Variants in BTBD16 observed in about 807,000 individuals in gnomAD.
The protein encoded by BTBD16 is BTB/POZ domain-containing protein 16.
A neutral mutation model predicts 67.4 loss-of-function variants in BTBD16; 66 were observed. The observed-to-expected ratio is 0.98, with a 90% CI of 0.80 to 1.20. The LOEUF is 1.20. Ranked by LOEUF, BTBD16 falls within the 50% of genes most tolerant of loss-of-function variation. The pLI is 0.00. For synonymous variants in BTBD16, 242 were observed against 236.4 expected (o/e 1.02, Z -0.22); for missense variants, 634 against 616.0 (o/e 1.03, Z -0.31).
chr10:122,335,679 T>C (rs1245353274), intron 14 of BTBD16, among the ~76,000 whole-genome samples: 1 of 152,202 alleles, frequency 6.6e-6, no homozygotes, highest in East Asian at 1.9e-4. Context: ...ACTATGTGCA[T>C]TAGGGAAGAT....
intron 10 of BTBD16, among the ~76,000 whole-genome samples, chr10:122,316,614 T>TG (rs907934010): frequency 2.0e-5 from 3 of 151,992 alleles, no homozygotes; most frequent in Admixed American, 2.0e-4. Flanking sequence ...TGTAACACAA[T>TG]GGTAAGTATT....
intron 8 of BTBD16, among the ~76,000 whole-genome samples, chr10:122,298,323 T>TG (rs763670244): frequency 2.3e-4 from 35 of 151,922 alleles, no homozygotes; most frequent in East Asian, 9.7e-4. Context: ...ACCAGTGACC[T>TG]GGGGGGGGAT....
intron 10 of BTBD16, among the ~76,000 whole-genome samples, chr10:122,310,068 G>T (rs2142097849): frequency 6.6e-6 from 1 of 152,266 alleles, no homozygotes; most frequent in East Asian, 1.9e-4. Context: ...CACCGTGCTG[G>T]GTCCATTTTT....
At chr10:122,332,643 A>G in intron 13 of BTBD16, 130 bp downstream of exon 13, 1 of 1,054,122 alleles carries the variant, frequency 9.5e-7, no homozygotes, top group Non-Finnish European at 1.4e-6. Context: ...AGAGAACCAC[A>G]GGTGTCTCTC....
At chr10:122,308,709 C>A (rs923231566) in intron 10 of BTBD16, among the ~76,000 whole-genome samples, 1 of 152,168 alleles carries the variant, frequency 6.6e-6, no homozygotes, top group East Asian at 1.9e-4. Flanking sequence ...CTCCCCTGCA[C>A]ACTGTCCAGG....
At chr10:122,306,593 G>C (rs985885397) in intron 9 of BTBD16, among the ~76,000 whole-genome samples, 1 of 152,180 alleles carries the variant, frequency 6.6e-6, no homozygotes, top group African/African-American at 2.4e-5. Context: ...TGTGACCTTG[G>C]ATAAGTTATT....
chr10:122,309,775 T>C (rs1330788109), intron 10 of BTBD16, among the ~76,000 whole-genome samples: 1 of 26,250 alleles, frequency 3.8e-5, no homozygotes, highest in African/African-American at 2.2e-4. Context: ...GCTGAGTACA[T>C]TTTTTTTTTT....
intron 14 of BTBD16, among the ~76,000 whole-genome samples, chr10:122,335,643 C>T (rs1481712317): frequency 6.6e-6 from 1 of 152,166 alleles, no homozygotes; most frequent in Non-Finnish European, 1.5e-5. Context: ...TGCAGGGTGG[C>T]TTGGAACAAG....
intron 10 of BTBD16, among the ~76,000 whole-genome samples, chr10:122,326,043 A>T (rs1367175621): frequency 6.6e-6 from 1 of 152,084 alleles, no homozygotes; most frequent in Non-Finnish European, 1.5e-5. Context: ...TTTTGAGAAA[A>T]AAAAAAAGCC....
intron 10 of BTBD16, among the ~76,000 whole-genome samples, chr10:122,326,728 G>A (rs1031442592): frequency 6.6e-6 from 1 of 152,168 alleles, no homozygotes; most frequent in African/African-American, 2.4e-5. Context: ...GGGCCAACCT[G>A]GATGTATCTT....
chr10:122,304,800 G>A lies in BTBD16; in HGVS notation c.792-2389G>A, dbSNP rs149654877. On this transcript the variant is annotated intron_variant, in intron 9 of 15. Coordinates refer to ENST00000260723, the MANE Select transcript of BTBD16 (RefSeq NM_144587.5). ...GATCTCCTGACCTCGTGATCTGCCC[G>A]CCTCGGCCTCCCAAAGTGCTGGGAT... Among the ~76,000 whole-genome samples the A allele has an allele frequency of 3.5e-3, 539 of 152,130 alleles. 17 individuals carry two copies. The East Asian group carries it at 0.049, about 14-fold the overall frequency.
rs2096342199 is a variant in BTBD16 at position 122,277,034 on chromosome 10, C to T, written c.167+95C>T. 9 of 1,409,698 alleles carry T rather than the reference C, an allele frequency of 6.4e-6. No homozygotes were observed. In the South Asian group the frequency reaches 1.0e-4, roughly 16 times the overall value. The allele number at this position is 1,409,698 out of a possible 1,614,324, so 87.3% of individuals were successfully genotyped here. A position where few individuals can be genotyped will look rare whatever the true frequency, so the allele number is the denominator to read the frequency against. On this transcript the variant is annotated intron_variant, in intron 3 of 15. Transcript: ENST00000260723. ...GGGCCACTCTGATTGGCTGCAGTGG[C>T]TGTCAAGGGCACATCTGCAAGGAAG...
chr10:122,326,019 T>C (rs2096444050), intron 10 of BTBD16, among the ~76,000 whole-genome samples: 1 of 151,166 alleles, frequency 6.6e-6, no homozygotes, highest in South Asian at 2.1e-4. Context: ...CCAAGTCTTC[T>C]ATGCTGAGTT....
At chr10:122,294,272 C>T in intron 7 of BTBD16, 13 of 932,050 alleles carry the variant, frequency 1.4e-5, no homozygotes, top group Non-Finnish European at 1.7e-5. Context: ...CCAGGTCACT[C>T]TGATAGCATC....
At chr10:122,309,851 A>T (rs1022039757) in intron 10 of BTBD16, among the ~76,000 whole-genome samples, 1 of 148,700 alleles carries the variant, frequency 6.7e-6, no homozygotes, top group Non-Finnish European at 1.5e-5. Flanking sequence ...GGCTTGCTGC[A>T]ACCTCTGCCT....
chr10:122,312,322 T>C (rs1230321248), intron 10 of BTBD16, among the ~76,000 whole-genome samples: 2 of 144,564 alleles, frequency 1.4e-5, no homozygotes, highest in East Asian at 4.0e-4. Context: ...TTTTTTTTTT[T>C]TTTTTTTTTT....
chr10:122,298,196 A>G (rs1276578040), intron 8 of BTBD16, among the ~76,000 whole-genome samples: 3 of 152,172 alleles, frequency 2.0e-5, no homozygotes, highest in African/African-American at 7.2e-5. Context: ...AATAAATGAT[A>G]GAATCCAACC....
At chr10:122,325,604 T>C (rs911233650) in intron 10 of BTBD16, among the ~76,000 whole-genome samples, 9 of 152,068 alleles carry the variant, frequency 5.9e-5, no homozygotes, top group African/African-American at 2.2e-4. Flanking sequence ...CAGCAGGAAT[T>C]ATTGTTTCAT....
intron 1 of BTBD16, among the ~76,000 whole-genome samples, chr10:122,273,616 C>T (rs535863392): frequency 6.6e-6 from 1 of 151,966 alleles, no homozygotes; most frequent in African/African-American, 2.4e-5. Flanking sequence ...GGTGTGGTAG[C>T]GGACACCTGT....
Sources: gnomAD v4.1 joint callset for allele counts (sites outside exome capture counted in the v4.1 genomes callset) on GRCh38, gnomAD v4.1.1 for gene constraint, MANE v1.5 for transcripts, NCBI Gene and HGNC (gene_info 2026-07-23, HGNC 2026-07-21) for gene names.